ARHGAP26: variants seen among roughly 807,000 people sequenced by gnomAD.
The protein encoded by ARHGAP26 is Rho GTPase activating protein 26.
Under a neutral mutation model 104.8 loss-of-function variants are expected in ARHGAP26, and 38 were observed. That is an observed-to-expected ratio of 0.36 (90% CI 0.28 to 0.48). The LOEUF is 0.48. Among genes scored for constraint, ARHGAP26 ranks in the 20% least tolerant of loss-of-function variants. The probability of loss-of-function intolerance (pLI) is 0.99; values close to 1 mark genes in which losing one functional copy is unlikely to be tolerated. For missense variants in ARHGAP26, 704 were observed against 947.9 expected (o/e 0.74, Z 3.38); for synonymous variants, 341 against 340.0 (o/e 1.00, Z -0.03).
chr5:143,129,033 A>G (rs557072542), intron 18 of ARHGAP26, among the ~76,000 whole-genome samples: 67 of 152,332 alleles, frequency 4.4e-4, no homozygotes, highest in Middle Eastern at 6.8e-3. Context: ...AAAAATGTGT[A>G]TGTGACATGG....
chr5:143,128,808 C>G (rs1341180654), intron 18 of ARHGAP26, among the ~76,000 whole-genome samples: 3 of 152,174 alleles, frequency 2.0e-5, no homozygotes, highest in Non-Finnish European at 2.9e-5. Flanking sequence ...TCGTATAAAC[C>G]TTTCTGTTTT....
chr5:142,811,656 A>C (rs1346802426), intron 1 of ARHGAP26, among the ~76,000 whole-genome samples: 1 of 152,036 alleles, frequency 6.6e-6, no homozygotes, highest in African/African-American at 2.4e-5. Context: ...CTTAAATGGA[A>C]GTAATAATAG....
rs1410591456 is a variant in ARHGAP26 at position 143,107,384 on chromosome 5, A to T, written c.1539-13604A>T. 2.0e-5 allele frequency among the ~76,000 whole-genome samples: 3 copies of T among 152,302 alleles called. No individual in the cohort carries two copies. The East Asian group carries it at 5.8e-4, about 29-fold the overall frequency. On this transcript the variant is annotated intron_variant, in intron 17 of 22. Transcript: ENST00000645722. ...TATACTCTCCAGATTGGTCTGCTAA[A>T]GTCAGTTACTGATGGCTTTTCTGCT... is the stretch of plus-strand genomic sequence containing the variant.
chr5:142,928,232 T>TGTG (rs35178883), intron 10 of ARHGAP26, among the ~76,000 whole-genome samples: 65 of 127,630 alleles, frequency 5.1e-4, no homozygotes, highest in Middle Eastern at 4.4e-3. Context: ...TGTGTGTGTG[T>TGTG]TTTTTTTTTT....
chr5:142,778,351 G>A (rs1289327205), intron 1 of ARHGAP26, among the ~76,000 whole-genome samples: 3 of 152,200 alleles, frequency 2.0e-5, no homozygotes, highest in Non-Finnish European at 4.4e-5. Context: ...GCATCAAAGA[G>A]TATAGACGTA....
At chr5:142,874,306 T>C (rs903180209) in intron 2 of ARHGAP26, among the ~76,000 whole-genome samples, 32 of 152,222 alleles carry the variant, frequency 2.1e-4, no homozygotes, top group Non-Finnish European at 5.9e-5. Flanking sequence ...ATAGGCACCT[T>C]GGTTGACTCC....
intron 13 of ARHGAP26, among the ~76,000 whole-genome samples, chr5:143,040,254 A>G (rs1783261371): frequency 6.6e-6 from 1 of 152,242 alleles, no homozygotes; most frequent in Non-Finnish European, 1.5e-5. Flanking sequence ...TCCGTGAATC[A>G]TGCAGAATGA....
intron 1 of ARHGAP26, among the ~76,000 whole-genome samples, chr5:142,851,151 G>A (rs113104484): frequency 0.019 from 2,855 of 150,838 alleles, 98 homozygotes; most frequent in African/African-American, 0.064. Context: ...AGGCTGGAGT[G>A]CAGTGCATGA....
At chr5:143,088,781 GTCGTTCCCCTA>G (rs1790974993) in intron 17 of ARHGAP26, among the ~76,000 whole-genome samples, 1 of 152,218 alleles carries the variant, frequency 6.6e-6, no homozygotes, top group Non-Finnish European at 1.5e-5. Flanking sequence ...CTGCCGCTGT[GTCGTTCCCCTA>G]TTGGCTAGGG....
intron 18 of ARHGAP26, among the ~76,000 whole-genome samples, chr5:143,127,323 G>A (rs888478929): frequency 6.6e-6 from 1 of 152,222 alleles, no homozygotes; most frequent in Non-Finnish European, 1.5e-5. Flanking sequence ...TGTACATGGA[G>A]CAGGATATGT....
intron 21 of ARHGAP26, 162 bp downstream of exon 21, chr5:143,207,470 C>G (rs1282743966): frequency 6.2e-7 from 1 of 1,613,712 alleles, no homozygotes; most frequent in Admixed American, 1.7e-5. Context: ...CATGAAGACT[C>G]CAGGTAAAAT....
rs1376245911 is a variant in ARHGAP26 at position 143,225,780 on chromosome 5, C to T, written c.*3334C>T. 2 of 230,124 alleles carry T rather than the reference C, an allele frequency of 8.7e-6. No homozygotes were observed. Among genetic ancestry groups the T allele is most frequent in the Admixed American group, 1.1e-4 (2 of 17,656 alleles). The allele number at this position is 230,124 out of a possible 1,614,324, so 14.3% of individuals were successfully genotyped here. On this transcript the variant is annotated 3_prime_UTR_variant, in exon 23 of 23. Transcript: ENST00000645722. ...GCTGCCAATGGGATCTTTCAGGTAC[C>T]CCCTCCCCAGCTTCCCTGTGGCTGT...
At chr5:142,829,031 A>G (rs1453661325) in intron 1 of ARHGAP26, among the ~76,000 whole-genome samples, 1 of 152,230 alleles carries the variant, frequency 6.6e-6, no homozygotes, top group East Asian at 1.9e-4. Context: ...TGTGTTCAAA[A>G]GAAAGGCACA....
At chr5:143,220,808 A>G (rs138059494) in intron 22 of ARHGAP26, among the ~76,000 whole-genome samples, 170 of 152,352 alleles carry the variant, frequency 1.1e-3, no homozygotes, top group African/African-American at 4.0e-3. Flanking sequence ...CCCAAAGTTG[A>G]CTGACACTGA....
intron 17 of ARHGAP26, among the ~76,000 whole-genome samples, chr5:143,062,536 T>G (rs1425394097): frequency 6.6e-6 from 1 of 151,752 alleles, no homozygotes; most frequent in East Asian, 1.9e-4. Context: ...TTTTTTTTTT[T>G]TTGGTTCCTG....
chr5:143,153,319 C>A (rs1225246045), intron 20 of ARHGAP26, among the ~76,000 whole-genome samples: 2 of 152,114 alleles, frequency 1.3e-5, no homozygotes, highest in African/African-American at 4.8e-5. Context: ...GGTCTCTGGA[C>A]CTGAGCATGC....
intron 10 of ARHGAP26, among the ~76,000 whole-genome samples, chr5:142,928,382 G>C (rs1262700605): frequency 6.6e-6 from 1 of 152,282 alleles, no homozygotes; most frequent in East Asian, 1.9e-4. Context: ...GTTGCCTAGA[G>C]TAGCGTTGTA....
In ARHGAP26 at chr5:142,940,429, C is replaced by A. The variant is rs1766074248; in HGVS notation, c.1107+8304C>A. 3.9e-5 allele frequency among the ~76,000 whole-genome samples: 6 copies of A among 152,094 alleles called. No individual in the cohort carries two copies. The South Asian group carries it at 1.2e-3, about 32-fold the overall frequency. On this transcript the variant is annotated intron_variant, in intron 11 of 22. Coordinates refer to ENST00000645722, the MANE Select transcript of ARHGAP26 (RefSeq NM_001135608.3). Reference sequence around the variant, plus strand: ...ATTATTTTGTCACCCAGGTACTAAGCCTAGTACCCAATAATTACTTTTCCT... The same window carrying A: ...ATTATTTTGTCACCCAGGTACTAAGACTAGTACCCAATAATTACTTTTCCT...
At chr5:143,181,574 C>G (rs943125806) in intron 20 of ARHGAP26, among the ~76,000 whole-genome samples, 12 of 152,212 alleles carry the variant, frequency 7.9e-5, no homozygotes, top group Admixed American at 4.6e-4. Flanking sequence ...TGGGCCATAC[C>G]TGTCTTCCCA....
Sources: allele counts gnomAD v4.1 joint callset (sites outside exome capture counted in the v4.1 genomes callset), GRCh38; gene constraint gnomAD v4.1.1; transcripts MANE v1.5; gene names NCBI Gene and HGNC (gene_info 2026-07-23, HGNC 2026-07-21).